The following RANBP17 variants were observed in gnomAD, a reference collection of about 807,000 sequenced individuals.
RANBP17 encodes ran-binding protein 17.
Under a neutral mutation model 141.2 loss-of-function variants are expected in RANBP17, and 158 were observed. The observed-to-expected ratio is 1.12, with a 90% CI of 0.98 to 1.28. The LOEUF is 1.28. RANBP17 is among the 50% of genes most tolerant of loss of function. RANBP17 has a pLI of 0.00. For missense variants in RANBP17, 1,438 were observed against 1,290.7 expected, an observed-to-expected ratio of 1.11 and a Z score of -1.75; for synonymous variants, 430 against 450.0, an observed-to-expected ratio of 0.96 and a Z score of 0.56.
At chr5:171,107,425 G>A (rs1210939345) in intron 14 of RANBP17, among the ~76,000 whole-genome samples, 1 of 152,112 alleles carries the variant, frequency 6.6e-6, no homozygotes, top group Non-Finnish European at 1.5e-5. Context: ...AAGCAACAAA[G>A]TTTGTTAAAT....
intron 18 of RANBP17, among the ~76,000 whole-genome samples, chr5:171,199,047 A>C (rs964795007): frequency 4.6e-5 from 7 of 152,128 alleles, no homozygotes. Context: ...GTTAATAGGA[A>C]ATGTCTCTTT....
At chr5:170,992,948 T>G (rs1461649089) in intron 14 of RANBP17, among the ~76,000 whole-genome samples, 1 of 152,078 alleles carries the variant, frequency 6.6e-6, no homozygotes, top group Non-Finnish European at 1.5e-5. Flanking sequence ...TTCACGTAAT[T>G]CTGATGCTCA....
chr5:171,127,261 T>C (rs1401729073), intron 14 of RANBP17, among the ~76,000 whole-genome samples: 1 of 152,192 alleles, frequency 6.6e-6, no homozygotes, highest in African/African-American at 2.4e-5. Context: ...AAACATTTGA[T>C]AAAATTCAAC....
At chr5:171,289,165 G>A (rs1371536379) in intron 25 of RANBP17, among the ~76,000 whole-genome samples, 1 of 152,086 alleles carries the variant, frequency 6.6e-6, no homozygotes, top group Non-Finnish European at 1.5e-5. Flanking sequence ...CCTAGGCCCT[G>A]GGGATACAGT....
intron 14 of RANBP17, among the ~76,000 whole-genome samples, chr5:171,148,392 AT>A (rs979749787): frequency 1.2e-4 from 19 of 152,158 alleles, no homozygotes; most frequent in African/African-American, 4.1e-4. Flanking sequence ...CAATAAAAAA[AT>A]AAATTTAAAA....
intron 24 of RANBP17, among the ~76,000 whole-genome samples, chr5:171,261,803 TATC>T (rs1184860731): frequency 1.3e-5 from 2 of 152,120 alleles, no homozygotes; most frequent in Admixed American, 1.3e-4. Context: ...GTCTGGAAAA[TATC>T]ATGATTTGAA....
Position 171,298,773 on chromosome 5 carries a change from ATCTG to A in RANBP17, c.3188_3191del (p.Ser1063TyrfsTer23), listed in dbSNP as rs1306512616. ...TCCTCTTTCTGCAGGTTCACCCAAAATCTGTCTGTATTCAGAAGAGATGTGGCAG... is the reference window on the plus strand; with the variant it reads ...TCCTCTTTCTGCAGGTTCACCCAAAATCTGTATTCAGAAGAGATGTGGCAG... On this transcript the variant is annotated frameshift_variant, in exon 28 of 28. Coordinates refer to ENST00000523189, the MANE Select transcript of RANBP17 (RefSeq NM_022897.5). LOFTEE classifies it high-confidence loss of function. The A allele has an allele frequency of 1.2e-6, 2 of 1,613,994 alleles. No homozygotes were observed. The highest frequency in any genetic ancestry group is 3.3e-5 in the Admixed American group (2 of 60,028).
chr5:171,124,888 GT>G, intron 14 of RANBP17, among the ~76,000 whole-genome samples: 1 of 152,198 alleles, frequency 6.6e-6, no homozygotes, highest in Non-Finnish European at 1.5e-5. Context: ...AATGTAAACT[GT>G]TTAAATTCCT....
At chr5:171,252,443 C>T (rs2128005466) in intron 24 of RANBP17, 1 of 1,501,370 alleles carries the variant, frequency 6.7e-7, no homozygotes, top group South Asian at 1.1e-5. Context: ...CAAAATACAT[C>T]AATTACTCAC....
chr5:171,205,008 A>C (rs1017432109), intron 19 of RANBP17, among the ~76,000 whole-genome samples: 1 of 152,198 alleles, frequency 6.6e-6, no homozygotes, highest in Admixed American at 6.5e-5. Context: ...TGTGACTGCC[A>C]TTCTGCGTAT....
At chr5:171,291,180 G>A (rs548899194) in intron 25 of RANBP17, among the ~76,000 whole-genome samples, 4 of 152,260 alleles carry the variant, frequency 2.6e-5, no homozygotes, top group South Asian at 2.1e-4. Flanking sequence ...CAGCTGAGGC[G>A]GTGTGGGGCA....
At chr5:171,275,344 T>C (rs1327774180) in intron 25 of RANBP17, among the ~76,000 whole-genome samples, 1 of 152,246 alleles carries the variant, frequency 6.6e-6, no homozygotes, top group Non-Finnish European at 1.5e-5. Context: ...ATTGTTTTTA[T>C]ACTTGTGTAA....
chr5:171,178,483 G>A (rs573345614), intron 16 of RANBP17, among the ~76,000 whole-genome samples: 31 of 152,128 alleles, frequency 2.0e-4, no homozygotes, highest in Admixed American at 5.9e-4. Context: ...ATAAACATAC[G>A]CGTGCATGTG....
intron 1 of RANBP17, among the ~76,000 whole-genome samples, chr5:170,868,575 CTGTT>C (rs761676198): frequency 2.0e-5 from 3 of 152,138 alleles, no homozygotes; most frequent in African/African-American, 4.8e-5. Context: ...CCTGGCCTGT[CTGTT>C]TGTATTTGAT....
At chr5:170,931,662 G>A (rs996020421) in intron 12 of RANBP17, among the ~76,000 whole-genome samples, 2 of 152,066 alleles carry the variant, frequency 1.3e-5, no homozygotes, top group Non-Finnish European at 2.9e-5. Context: ...TATTAAGTAG[G>A]GAATCTTTCC....
At chr5:170,875,567 C>G (rs938621636) in intron 1 of RANBP17, among the ~76,000 whole-genome samples, 16 of 152,174 alleles carry the variant, frequency 1.1e-4, no homozygotes, top group Admixed American at 7.2e-4. Context: ...TCTTCAAGCT[C>G]TGATACTTTT....
chr5:171,186,761 C>T, intron 18 of RANBP17, among the ~76,000 whole-genome samples: 1 of 151,730 alleles, frequency 6.6e-6, no homozygotes, highest in East Asian at 1.9e-4. Flanking sequence ...TGGTCTCGAT[C>T]TCCTGACCTC....
intron 25 of RANBP17, among the ~76,000 whole-genome samples, chr5:171,268,616 T>C (rs767888931): frequency 1.1e-4 from 16 of 151,354 alleles, no homozygotes; most frequent in Non-Finnish European, 2.1e-4. Flanking sequence ...GTGTTTTGCA[T>C]GAAGAAGGTT....
At chr5:170,873,167 T>C (rs1767893344) in intron 1 of RANBP17, among the ~76,000 whole-genome samples, 1 of 152,204 alleles carries the variant, frequency 6.6e-6, no homozygotes, top group Non-Finnish European at 1.5e-5. Context: ...CACCTTGGCC[T>C]CTCTAAGGGC....
Sources: gnomAD v4.1 joint callset for allele counts (sites outside exome capture counted in the v4.1 genomes callset) on GRCh38, gnomAD v4.1.1 for gene constraint, MANE v1.5 for transcripts, NCBI Gene and HGNC (gene_info 2026-07-23, HGNC 2026-07-21) for gene names.